Variants in EVI5L observed in about 807,000 individuals in gnomAD.
The protein encoded by EVI5L is EVI5-like protein.
In EVI5L, 30 loss-of-function variants were observed where a neutral mutation model predicts 106.1. The ratio of observed to expected loss-of-function variants is 0.28; its 90% CI spans 0.21 to 0.38. The LOEUF (loss-of-function observed/expected upper bound fraction) is 0.38, where lower values mean the gene tolerates loss of function less well. EVI5L is among the 10% of genes least tolerant of loss of function. EVI5L has a pLI of 1.00. For synonymous variants in EVI5L, 489 were observed against 483.3 expected (o/e 1.01, Z -0.15); for missense variants, 809 against 1,098.0 (o/e 0.74, Z 3.72).
In EVI5L at chr19:7,856,066, A is replaced by C; in HGVS notation, c.1198A>C (p.Lys400Gln). 5 of 1,327,028 alleles carry C rather than the reference A, an allele frequency of 3.8e-6. No individual in the cohort carries two copies. The highest frequency in any genetic ancestry group is 4.9e-6 in the Non-Finnish European group (5 of 1,028,958). The allele number at this position is 1,327,028 out of a possible 1,614,324, so 82.2% of individuals were successfully genotyped here. The change falls in exon 11 of 20, where the codon AAG becomes CAG. Residue 400 changes from lysine to glutamine, a missense_variant and splice_region_variant. Lys to Gln is a moderately conservative substitution (Grantham distance 53, BLOSUM62 1). Around this residue, in one of 2 missense-constraint regions of EVI5L, gnomAD observed 357 missense variants for 588.1 expected, o/e 0.61. Transcript: ENST00000538904. The surrounding 1 kb of genome is among the most constrained non-coding windows in gnomAD (Gnocchi z 6.6). ...LLKQRIETLE[K>Q]ESAALADRLI... Reference sequence around the variant, plus strand: ...GAAACAGCGGATTGAAACCCTAGAGAAGGTGAGGGGCGTGGCCACTGTGAG... The same window carrying C: ...GAAACAGCGGATTGAAACCCTAGAGCAGGTGAGGGGCGTGGCCACTGTGAG...
chr19:7,838,795 G>A (rs868570724), intron 1 of EVI5L, among the ~76,000 whole-genome samples: 4 of 152,128 alleles, frequency 2.6e-5, no homozygotes, highest in Middle Eastern at 6.8e-3. Flanking sequence ...GGGGAAAAGC[G>A]AGCCAGGATG....
In EVI5L at chr19:7,849,115, G is replaced by A. The variant is rs1483996795; in HGVS notation, c.522G>A (p.Leu174=). The A allele has an allele frequency of 6.2e-7, 1 of 1,609,886 alleles. No individual in the cohort carries two copies. Among genetic ancestry groups the A allele is most frequent in the East Asian group, 2.2e-5 (1 of 44,722 alleles). The change falls in exon 4 of 20, where the codon CTG becomes CTA. Residue 174 remains leucine (L), a synonymous_variant. Coordinates refer to ENST00000538904, the MANE Select transcript of EVI5L (RefSeq NM_001159944.3). ...AGTTCTTCAAGGGCCAGGACAGCCT[G>A]GGCCAGGAGGTCCTCTTCAACGTCA... is the stretch of plus-strand genomic sequence containing the variant. ...EHEFFKGQDS[L]GQEVLFNVMK... is the part of the protein sequence containing the mutation.
chr19:7,862,781 C>T (rs1281750301), intron 17 of EVI5L, among the ~76,000 whole-genome samples, 191 bp from the exon 18 acceptor site: 1 of 132,524 alleles, frequency 7.5e-6, no homozygotes, highest in Non-Finnish European at 1.6e-5. Context: ...CCCCCGCCCG[C>T]GGCCACGCCT....
intron 1 of EVI5L, among the ~76,000 whole-genome samples, chr19:7,834,687 C>G (rs555887845): frequency 1.3e-5 from 2 of 152,300 alleles, no homozygotes; most frequent in Admixed American, 1.3e-4. Flanking sequence ...AGCCCCAGCC[C>G]CTGCCCTAGT....
intron 5 of EVI5L, 27 bp from the exon 6 acceptor site, chr19:7,849,970 G>T: frequency 6.4e-7 from 1 of 1,564,968 alleles, no homozygotes; most frequent in Non-Finnish European, 8.7e-7. Context: ...GCTGCCCTGA[G>T]CCCCCCCACC....
intron 10 of EVI5L, 79 bp from the exon 11 acceptor site, chr19:7,855,936 C>T (rs1979497720): frequency 2.4e-6 from 3 of 1,271,194 alleles, no homozygotes. Flanking sequence ...GGGACTGACC[C>T]CGGCAGTGGG....
chr19:7,834,614 G>T (rs1978316203), intron 1 of EVI5L, among the ~76,000 whole-genome samples: 1 of 152,172 alleles, frequency 6.6e-6, no homozygotes, highest in Non-Finnish European at 1.5e-5. Flanking sequence ...AAGAGGGGAA[G>T]TTTATTTATC....
intron 7 of EVI5L, 24 bp from the exon 8 acceptor site, chr19:7,851,657 C>G: frequency 6.3e-7 from 1 of 1,587,682 alleles, no homozygotes; most frequent in Non-Finnish European, 8.6e-7. Context: ...CCTCCACCTC[C>G]CACTGCCTTT....
rs114762536 is a variant in EVI5L at position 7,834,399 on chromosome 19, A to G, written c.-48+4018A>G. On this transcript the variant is annotated intron_variant, in intron 1 of 19. Transcript: ENST00000538904. ...TTTTGCCAGAAGGGAACCTATTATA[A>G]TAGCCAAAAGTAATCTGGTCAGATG... 2.9e-3 allele frequency among the ~76,000 whole-genome samples: 439 copies of G among 152,332 alleles called. 2 individuals carry two copies. The highest frequency in any genetic ancestry group is 0.01 in the African/African-American group (426 of 41,562).
chr19:7,862,659 TCCCGCCCCC>T (rs1979882392), intron 17 of EVI5L, 125 bp downstream of exon 17: 1 of 695,250 alleles, frequency 1.4e-6, no homozygotes, highest in African/African-American at 3.5e-5. Flanking sequence ...CCCGCGGTCC[TCCCGCCCCC>T]GCCCGCGGCC....
chr19:7,841,177 G>A (rs897648428), intron 1 of EVI5L, among the ~76,000 whole-genome samples: 1 of 152,142 alleles, frequency 6.6e-6, no homozygotes, highest in Non-Finnish European at 1.5e-5. Context: ...AATGGTGGGT[G>A]GGCTGGGGGC....
In EVI5L at chr19:7,858,409, G is replaced by T. The variant is rs1979642814; in HGVS notation, c.1374+78G>T. 6.8e-7 allele frequency: 1 copy of T among 1,469,330 alleles called. No homozygotes were observed. The highest frequency in any genetic ancestry group is 9.0e-7 in the Non-Finnish European group (1 of 1,112,978). The allele number at this position is 1,469,330 out of a possible 1,614,324, so 91.0% of individuals were successfully genotyped here. A position where few individuals can be genotyped will look rare whatever the true frequency, so the allele number is the denominator to read the frequency against. On this transcript the variant is annotated intron_variant, in intron 13 of 19. Transcript: ENST00000538904. The surrounding 1 kb of genome is among the most constrained non-coding windows in gnomAD (Gnocchi z 5.7). ...CCCCGCCCAACGGTTTTCTTTCAGG[G>T]CTCATAATCTGCCCCGCCTCAGCAC...
At chr19:7,846,736 A>T (rs1385450044) in intron 2 of EVI5L, 57 bp downstream of exon 2, 1 of 1,569,204 alleles carries the variant, frequency 6.4e-7, no homozygotes, top group Non-Finnish European at 8.6e-7. Flanking sequence ...GGGCCCCCAC[A>T]GGAGTTCCCA....
intron 1 of EVI5L, among the ~76,000 whole-genome samples, chr19:7,831,351 C>T (rs989029638): frequency 6.6e-6 from 1 of 151,896 alleles, no homozygotes; most frequent in African/African-American, 2.4e-5. Flanking sequence ...CCCCTGCCCC[C>T]ACCCACTCAA....
At position 7,856,396 on chromosome 19, in the gene EVI5L, G is replaced by A. The variant is rs905670679; in HGVS notation, c.1200+328G>A. Among the ~76,000 whole-genome samples the A allele has an allele frequency of 6.6e-6, 1 of 152,036 alleles. No individual in the cohort carries two copies. The highest frequency in any genetic ancestry group is 2.4e-5 in the African/African-American group (1 of 41,378). On this transcript the variant is annotated intron_variant, in intron 11 of 19. Coordinates refer to ENST00000538904, the MANE Select transcript of EVI5L (RefSeq NM_001159944.3). This position sits in a 1 kb window ranked among gnomAD's most constrained non-coding sequence, Gnocchi z 6.6. The stretch of plus-strand genomic sequence containing the variant: ...AGGGAGAACTGCCACTTTGATGGAC[G>A]AGCCCCGTAATTGGGCCACAAGCCA...
Position 7,862,002 on chromosome 19 carries a change from T to G in EVI5L, c.1628T>G (p.Leu543Arg). The change falls in exon 15 of 20, where the codon CTC becomes CGC. Residue 543 changes from leucine to arginine, a missense_variant. This residue lies in a region of EVI5L where 452 missense variants were observed against 509.9 expected (regional missense o/e 0.89). Transcript: ENST00000538904. ...GAGCTTAAACTGCAGCTGCAGGAGC[T>G]CTCGGACACCTGGCAGGTGAGGGCC... ...TRELKLQLQE[L>R]SDTWQAHLAR... The G allele has an allele frequency of 6.5e-7, 1 of 1,547,470 alleles. No homozygotes were observed.
In EVI5L at chr19:7,857,096, G is replaced by A; in HGVS notation, c.1205G>A (p.Ser402Asn). ...KQRIETLEKESAALADRLIQG... is the reference protein window; with the variant it reads ...KQRIETLEKENAALADRLIQG... ...GGAACCCCCTTCGCCGGGTAGGAGAGCGCTGCTCTGGCTGATAGGTTAATC... is the reference window on the plus strand; with the variant it reads ...GGAACCCCCTTCGCCGGGTAGGAGAACGCTGCTCTGGCTGATAGGTTAATC... The change falls in exon 12 of 20, where the codon AGC (serine) becomes AAC (asparagine). Residue 402 changes from serine (S) to asparagine (N), a missense_variant. Coordinates refer to ENST00000538904, the MANE Select transcript of EVI5L (RefSeq NM_001159944.3). This position sits in a 1 kb window ranked among gnomAD's most constrained non-coding sequence, Gnocchi z 4.5. 1.3e-6 allele frequency: 2 copies of A among 1,551,840 alleles called. No homozygotes were observed. The highest frequency in any genetic ancestry group is 1.2e-5 in the South Asian group (1 of 84,070).
At chr19:7,861,034 C>G (rs1303416271) in intron 14 of EVI5L, among the ~76,000 whole-genome samples, 1 of 152,104 alleles carries the variant, frequency 6.6e-6, no homozygotes, top group African/African-American at 2.4e-5. Flanking sequence ...GTGGCTGCCT[C>G]CCTACACATT....
At position 7,849,149 on chromosome 19, in the gene EVI5L, A is replaced by C; in HGVS notation, c.552+4A>C. On this transcript the variant is annotated splice_donor_region_variant and intron_variant, in intron 4 of 19. Transcript: ENST00000538904. ...GGTCCTCTTCAACGTCATGAAGGTG[A>C]GGCCCAGGGCTCCCCGCTCCCTCGG... 6.2e-7 allele frequency: 1 copy of C among 1,611,252 alleles called. No homozygotes were observed. The highest frequency in any genetic ancestry group is 1.1e-5 in the South Asian group (1 of 90,776).
Sources: gnomAD v4.1 joint callset for allele counts (sites outside exome capture counted in the v4.1 genomes callset) on GRCh38, gnomAD v4.1.1 for gene constraint, gnomAD v4.1.1 regional missense constraint, Gnocchi (gnomAD v3.1) non-coding constraint, MANE v1.5 for transcripts, NCBI Gene and HGNC (gene_info 2026-07-23, HGNC 2026-07-21) for gene names.